The following NBEA variants were observed in gnomAD, a reference collection of about 807,000 sequenced individuals.
NBEA encodes the protein neurobeachin.
Under a neutral mutation model 343.4 loss-of-function variants are expected in NBEA, and 44 were observed. That is an observed-to-expected ratio of 0.13 (90% CI 0.10 to 0.16). NBEA has a LOEUF of 0.16. NBEA is among the 10% of genes least tolerant of loss of function. The pLI, the probability that NBEA is intolerant of heterozygous loss-of-function variation, is 1.00. For synonymous variants in NBEA, 1,175 were observed against 1,238.7 expected, an observed-to-expected ratio of 0.95 and a Z score of 1.08; for missense variants, 2,555 against 3,631.3, an observed-to-expected ratio of 0.70 and a Z score of 7.62.
At chr13:35,213,232 C>T (rs1379780461) in intron 33 of NBEA, among the ~76,000 whole-genome samples, 2 of 151,980 alleles carry the variant, frequency 1.3e-5, no homozygotes, top group African/African-American at 4.8e-5. Context: ...CACTTCTTTT[C>T]CCTGTGTTCT....
chr13:35,652,879 G>A (rs1983935), intron 53 of NBEA, among the ~76,000 whole-genome samples: 19,325 of 149,070 alleles, frequency 0.13, 1,350 homozygotes, highest in South Asian at 0.19. Context: ...TATTTTTAGT[G>A]GAGTCAGGGT....
intron 38 of NBEA, among the ~76,000 whole-genome samples, chr13:35,385,570 G>A (rs1027855681): frequency 5.9e-5 from 9 of 152,054 alleles, no homozygotes; most frequent in Non-Finnish European, 1.5e-5. Context: ...AGGTGTGGTG[G>A]TGTGTTCCTG....
chr13:35,233,307 G>A (rs1027247905), intron 34 of NBEA, among the ~76,000 whole-genome samples: 2 of 152,106 alleles, frequency 1.3e-5, no homozygotes, highest in Non-Finnish European at 2.9e-5. Flanking sequence ...TAGCATCCTT[G>A]TATATCTTTT....
At chr13:35,225,575 G>A (rs1163981287) in intron 33 of NBEA, among the ~76,000 whole-genome samples, 1 of 152,134 alleles carries the variant, frequency 6.6e-6, no homozygotes, top group African/African-American at 2.4e-5. Context: ...TACTGGTTAG[G>A]TTTGAATGGA....
intron 43 of NBEA, among the ~76,000 whole-genome samples, chr13:35,551,652 C>T (rs2079332690): frequency 6.6e-6 from 1 of 152,088 alleles, no homozygotes; most frequent in Admixed American, 6.6e-5. Context: ...CTAAAAGTGG[C>T]TTAAACTATA....
chr13:35,147,818 C>T (rs975289868), intron 18 of NBEA, among the ~76,000 whole-genome samples: 5 of 152,104 alleles, frequency 3.3e-5, no homozygotes, highest in African/African-American at 9.7e-5. Flanking sequence ...GGCAGGAATT[C>T]CTACAAAGCT....
chr13:35,656,990 G>T (rs2084841339), intron 55 of NBEA, among the ~76,000 whole-genome samples: 1 of 152,260 alleles, frequency 6.6e-6, no homozygotes, highest in African/African-American at 2.4e-5. Flanking sequence ...GACAGCTAGG[G>T]GTGGAAACTG....
At chr13:35,570,341 G>C (rs1219965177) in intron 45 of NBEA, among the ~76,000 whole-genome samples, 3 of 152,160 alleles carry the variant, frequency 2.0e-5, no homozygotes, top group Non-Finnish European at 2.9e-5. Flanking sequence ...GCCCATTTCA[G>C]GGTTTTTATG....
chr13:35,543,201 C>T (rs1391362762), intron 41 of NBEA, among the ~76,000 whole-genome samples: 2 of 152,098 alleles, frequency 1.3e-5, no homozygotes, highest in East Asian at 3.8e-4. Flanking sequence ...AAATTCATCT[C>T]TTAATGGGAT....
At chr13:35,306,161 C>G (rs991219413) in intron 35 of NBEA, among the ~76,000 whole-genome samples, 4 of 152,052 alleles carry the variant, frequency 2.6e-5, no homozygotes, top group African/African-American at 9.7e-5. Flanking sequence ...ATTCCTGATT[C>G]TTTATATAAA....
intron 27 of NBEA, among the ~76,000 whole-genome samples, chr13:35,174,709 G>A (rs1449248645): frequency 6.6e-6 from 1 of 152,058 alleles, no homozygotes; most frequent in South Asian, 2.1e-4. Context: ...CATCAGTAAT[G>A]CCTGATATCA....
At chr13:35,335,711 T>C (rs895660905) in intron 36 of NBEA, among the ~76,000 whole-genome samples, 1 of 152,034 alleles carries the variant, frequency 6.6e-6, no homozygotes, top group African/African-American at 2.4e-5. Context: ...TGTTAATTAA[T>C]TAACATCCTA....
chr13:35,172,562 A>C (rs1183239401), intron 26 of NBEA, among the ~76,000 whole-genome samples: 1 of 151,888 alleles, frequency 6.6e-6, no homozygotes, highest in East Asian at 1.9e-4. Flanking sequence ...TCCCTATTTC[A>C]TTTTTATCCT....
intron 40 of NBEA, among the ~76,000 whole-genome samples, chr13:35,467,298 A>C (rs950590992): frequency 8.6e-5 from 13 of 151,962 alleles, no homozygotes; most frequent in East Asian, 5.8e-4. Context: ...ATGGTGAAAC[A>C]CCATCTCTAC....
At chr13:35,616,103 A>G (rs2082726899) in intron 48 of NBEA, among the ~76,000 whole-genome samples, 1 of 152,158 alleles carries the variant, frequency 6.6e-6, no homozygotes, top group Non-Finnish European at 1.5e-5. Context: ...CCTTTATTTG[A>G]ATGAGGAGTC....
chr13:35,116,770 ATATAT>A (rs1370556647), intron 13 of NBEA, among the ~76,000 whole-genome samples: 8 of 151,956 alleles, frequency 5.3e-5, no homozygotes, highest in African/African-American at 7.2e-5. Flanking sequence ...GCATATTAGA[ATATAT>A]TATATTTTCA....
intron 38 of NBEA, among the ~76,000 whole-genome samples, chr13:35,398,053 G>T (rs200432109): frequency 6.6e-6 from 1 of 152,102 alleles, no homozygotes; most frequent in East Asian, 1.9e-4. Context: ...CCCTGCAGCT[G>T]CTTTATCAAT....
At chr13:35,242,768 A>C (rs1175201761) in intron 34 of NBEA, among the ~76,000 whole-genome samples, 9 of 152,002 alleles carry the variant, frequency 5.9e-5, no homozygotes, top group African/African-American at 2.2e-4. Context: ...AAAACAAAAC[A>C]AAAAGAAACT....
intron 48 of NBEA, among the ~76,000 whole-genome samples, chr13:35,623,832 T>C (rs995505950): frequency 3.9e-5 from 6 of 152,094 alleles, no homozygotes; most frequent in African/African-American, 1.4e-4. Flanking sequence ...TACACGTAAA[T>C]TCTACCAAAT....
Sources: allele counts gnomAD v4.1 joint callset (sites outside exome capture counted in the v4.1 genomes callset), GRCh38; gene constraint gnomAD v4.1.1; transcripts MANE v1.5; gene names NCBI Gene and HGNC (gene_info 2026-07-23, HGNC 2026-07-21).